The following ROGDI variants were observed in gnomAD, a reference collection of about 807,000 sequenced individuals.
ROGDI encodes rogdi atypical leucine zipper, also known as protein rogdi homolog.
In ROGDI, 46 loss-of-function variants were observed where a neutral mutation model predicts 43.1. That is an observed-to-expected ratio of 1.07 (90% CI 0.84 to 1.37). The LOEUF (loss-of-function observed/expected upper bound fraction) is 1.37, where lower values mean the gene tolerates loss of function less well. ROGDI is among the 40% of genes most tolerant of loss of function. ROGDI has a pLI of 0.00. For missense variants in ROGDI, 518 were observed against 383.9 expected (o/e 1.35, Z -2.92); for synonymous variants, 243 against 162.0 (o/e 1.50, Z -3.80).
At position 4,801,514 on chromosome 16, in the gene ROGDI, T is replaced by C. The variant is rs2082717890; in HGVS notation, c.189A>G (p.Leu63=). ...TAGCCCAGGCTCACCCACAGCTGCC[T>C]AGGATGAAGTTCTCTTGCTTGGCGG... ...EGPAKQENFI[L]GSCGTDQVKG... Residue 63 remains leucine (L), a synonymous_variant, in exon 3 of 11, where the codon CTA becomes CTG. Transcript: ENST00000322048. 7.5e-6 allele frequency: 12 copies of C among 1,605,914 alleles called. No homozygotes were observed. The highest frequency in any genetic ancestry group is 1.0e-5 in the Non-Finnish European group (12 of 1,176,380).
At position 4,802,424 on chromosome 16, in the gene ROGDI, G is replaced by A. The variant is rs1422094179; in HGVS notation, c.75C>T (p.Asp25=). The A allele has an allele frequency of 6.6e-7, 1 of 1,509,858 alleles. No individual in the cohort carries two copies. Among genetic ancestry groups the A allele is most frequent in the Non-Finnish European group, 8.8e-7 (1 of 1,134,818 alleles). The allele number at this position is 1,509,858 out of a possible 1,614,324, so 93.5% of individuals were successfully genotyped here. ...LEEEFRWLLH[D]EVHAVLKQLQ... Reference sequence around the variant, plus strand: ...GCTGCTTCAACACAGCGTGCACCTCGTCGTGCAGCAGCCAGCGGAACTCCT... The same window carrying A: ...GCTGCTTCAACACAGCGTGCACCTCATCGTGCAGCAGCCAGCGGAACTCCT... Residue 25 remains aspartate, a synonymous_variant, in exon 2 of 11, where the codon GAC becomes GAT. Coordinates refer to ENST00000322048, the MANE Select transcript of ROGDI (RefSeq NM_024589.3).
intron 7 of ROGDI, 43 bp downstream of exon 7, chr16:4,798,514 CTGGGACCCACTG>C: frequency 7.3e-7 from 1 of 1,373,338 alleles, no homozygotes. Flanking sequence ...TGAGGGCAAG[CTGGGACCCACTG>C]TGGGACCCCT....
At chr16:4,799,955 T>C (rs1429441412) in intron 5 of ROGDI, among the ~76,000 whole-genome samples, 174 bp from the exon 6 acceptor site, 4 of 152,146 alleles carry the variant, frequency 2.6e-5, no homozygotes, top group African/African-American at 9.7e-5. Flanking sequence ...GGGGCAGGCC[T>C]GGTCTCTGCC....
In ROGDI at chr16:4,801,879, G is replaced by A. The variant is rs920903840; in HGVS notation, c.118-294C>T. 3.5e-5 allele frequency: 20 copies of A among 576,662 alleles called. No individual in the cohort carries two copies. The Admixed American group carries it at 5.2e-4, about 15-fold the overall frequency. 35.7% of individuals were successfully genotyped at this position (576,662 alleles called of 1,614,324 possible). On this transcript the variant is annotated intron_variant, in intron 2 of 10. Transcript: ENST00000322048. ...TGGTTGAGGGGGAAAGGGGCAAGGG[G>A]CAGAGTCAGGGAACAAGGCAGTAGT...
chr16:4,801,993 G>T (rs776292204), intron 2 of ROGDI: 5 of 578,008 alleles, frequency 8.7e-6, no homozygotes, highest in South Asian at 7.6e-5. Context: ...CCCCAGCCTC[G>T]CGAAGCGGGT....
At chr16:4,799,943 C>T (rs549823132) in intron 5 of ROGDI, among the ~76,000 whole-genome samples, 162 bp from the exon 6 acceptor site, 28 of 152,304 alleles carry the variant, frequency 1.8e-4, no homozygotes, top group African/African-American at 6.3e-4. Context: ...CTGGCATCAC[C>T]TGGGGCAGGC....
chr16:4,797,158 A>C lies in ROGDI; in HGVS notation c.*302T>G. 1 of 334,094 alleles carries C rather than the reference A, an allele frequency of 3.0e-6. No individual in the cohort carries two copies. Among genetic ancestry groups the C allele is most frequent in the Non-Finnish European group, 5.6e-6 (1 of 179,060 alleles). The allele number at this position is 334,094 out of a possible 1,614,324, so 20.7% of individuals were successfully genotyped here. A position where few individuals can be genotyped will look rare whatever the true frequency, so the allele number is the denominator to read the frequency against. ...GGGGACAGCGAAGGGGAGAGGAGGG[A>C]GAGCCCTGCGCCTGGCCCTGTCCTG... On this transcript the variant is annotated 3_prime_UTR_variant, in exon 11 of 11. Transcript: ENST00000322048.
chr16:4,798,251 G>A (rs2082678779), intron 7 of ROGDI, 67 bp from the exon 8 acceptor site: 1 of 1,322,828 alleles, frequency 7.6e-7, no homozygotes, highest in Non-Finnish European at 1.1e-6. Flanking sequence ...GCGGGGCTCT[G>A]CAGTCACTCA....
chr16:4,798,745 A>G, intron 6 of ROGDI, 78 bp from the exon 7 acceptor site: 1 of 1,189,820 alleles, frequency 8.4e-7, no homozygotes, highest in Non-Finnish European at 1.2e-6. Context: ...GGTAGCTCCC[A>G]CTCCCACCCA....
intron 6 of ROGDI, 127 bp downstream of exon 6, chr16:4,799,559 A>G (rs1431717202): frequency 1.4e-5 from 9 of 624,554 alleles, no homozygotes; most frequent in Non-Finnish European, 2.6e-5. Flanking sequence ...ATGGAGACAC[A>G]GAGTCGGCAG....
intron 8 of ROGDI, 37 bp from the exon 9 acceptor site, chr16:4,798,024 G>A (rs747999836): frequency 3.7e-6 from 6 of 1,613,528 alleles, no homozygotes; most frequent in Non-Finnish European, 4.2e-6. Context: ...AGGCCTTGCA[G>A]GGCGTGTGCA....
intron 6 of ROGDI, 85 bp downstream of exon 6, chr16:4,799,601 G>T: frequency 1.0e-6 from 1 of 973,188 alleles, no homozygotes; most frequent in Non-Finnish European, 1.6e-6. Context: ...AGCTCAACGT[G>T]GAGGCCCTGG....
Position 4,797,810 on chromosome 16 carries a change from G to T in ROGDI, c.726C>A (p.Ser242Arg). Residue 242 changes from serine (S) to arginine (R), a missense_variant, in exon 10 of 11, where the codon AGC (serine) becomes AGA (arginine). By Grantham distance (110) the Ser-to-Arg change is moderately radical. Coordinates refer to ENST00000322048, the MANE Select transcript of ROGDI (RefSeq NM_024589.3). ...TCACGCACTCCACTTTGTGCACGTG[G>T]CTCACCTCCAGGCGCTGAGAGCCCC... ...FEWGSQRLEV[S>R]HVHKVECVIP... The T allele has an allele frequency of 6.2e-7, 1 of 1,612,746 alleles. No homozygotes were observed.
chr16:4,797,795 C>T lies in ROGDI; in HGVS notation c.741G>A (p.Val247=). 1 of 1,613,418 alleles carries T rather than the reference C, an allele frequency of 6.2e-7. No homozygotes were observed. The highest frequency in any genetic ancestry group is 1.1e-5 in the South Asian group (1 of 91,082). Residue 247 remains valine, a synonymous_variant, in exon 10 of 11, where the codon GTG becomes GTA. Coordinates refer to ENST00000322048, the MANE Select transcript of ROGDI (RefSeq NM_024589.3). ...CGTTGAGCCAGGGGATCACGCACTC[C>T]ACTTTGTGCACGTGGCTCACCTCCA... ...QRLEVSHVHK[V]ECVIPWLNDA...
At chr16:4,799,569 G>T (rs2082692772) in intron 6 of ROGDI, 117 bp downstream of exon 6, 2 of 659,718 alleles carry the variant, frequency 3.0e-6, no homozygotes, top group Non-Finnish European at 5.3e-6. Flanking sequence ...AGAGTCGGCA[G>T]GTAAGTGCTT....
At chr16:4,798,729 A>G (rs765821623) in intron 6 of ROGDI, 62 bp from the exon 7 acceptor site, 133 of 1,349,212 alleles carry the variant, frequency 9.9e-5, no homozygotes, top group Non-Finnish European at 1.3e-4. Flanking sequence ...AAGGAACAAC[A>G]GACATGGTAG....
In ROGDI at chr16:4,798,520, C is replaced by T. The variant is rs762730109; in HGVS notation, c.531+49G>A. The stretch of plus-strand genomic sequence containing the variant: ...CGTCCATCCTGAGGGCAAGCTGGGA[C>T]CCACTGTGGGACCCCTCTCCTGCAG... On this transcript the variant is annotated intron_variant, in intron 7 of 10. Transcript: ENST00000322048. The T allele has an allele frequency of 1.1e-5, 15 of 1,410,006 alleles. No individual in the cohort carries two copies. In the South Asian group the frequency reaches 1.4e-4, roughly 13 times the overall value. The allele number at this position is 1,410,006 out of a possible 1,614,324, so 87.3% of individuals were successfully genotyped here.
Position 4,802,615 on chromosome 16 carries a change from C to G in ROGDI, c.-44G>C. 1 of 1,288,614 alleles carries G rather than the reference C, an allele frequency of 7.8e-7. No homozygotes were observed. Among genetic ancestry groups the G allele is most frequent in the South Asian group, 2.4e-5 (1 of 41,720 alleles). 79.8% of individuals were successfully genotyped at this position (1,288,614 alleles called of 1,614,324 possible). On this transcript the variant is annotated 5_prime_UTR_variant, in exon 1 of 11. Coordinates refer to ENST00000322048, the MANE Select transcript of ROGDI (RefSeq NM_024589.3). ...AGCGCCCTCCCCACCGGCCGCTGCTCCTGTCCACCAATCTTTCTGTCCTCG... is the reference window on the plus strand; with the variant it reads ...AGCGCCCTCCCCACCGGCCGCTGCTGCTGTCCACCAATCTTTCTGTCCTCG...
chr16:4,802,303 G>C lies in ROGDI; in HGVS notation c.117+79C>G, dbSNP rs1285519142. ...GCACACTGTAGGCGCTCAGGACGCA[G>C]CCGCGCGGCCCCAGGTGGAGCCAGG... On this transcript the variant is annotated intron_variant, in intron 2 of 10. Coordinates refer to ENST00000322048, the MANE Select transcript of ROGDI (RefSeq NM_024589.3). 25 of 1,323,568 alleles carry C rather than the reference G, an allele frequency of 1.9e-5. No individual in the cohort carries two copies. In the Admixed American group the frequency reaches 5.3e-4, roughly 28 times the overall value. 82.0% of individuals were successfully genotyped at this position (1,323,568 alleles called of 1,614,324 possible). A position where few individuals can be genotyped will look rare whatever the true frequency, so the allele number is the denominator to read the frequency against.
Sources: allele counts gnomAD v4.1 joint callset (sites outside exome capture counted in the v4.1 genomes callset), GRCh38; gene constraint gnomAD v4.1.1; transcripts MANE v1.5; gene names NCBI Gene and HGNC (gene_info 2026-07-23, HGNC 2026-07-21).